The following AFG1L variants were observed in gnomAD, a reference collection of about 807,000 sequenced individuals.
The protein encoded by AFG1L is AFG1 like ATPase.
A neutral mutation model predicts 62.2 loss-of-function variants in AFG1L; 53 were observed. The ratio of observed to expected loss-of-function variants is 0.85; its 90% CI spans 0.68 to 1.07. AFG1L has a LOEUF of 1.07. Ranked by LOEUF, AFG1L falls within the 50% of genes least tolerant of loss-of-function variation. The pLI is 0.00. For synonymous variants in AFG1L, 228 were observed against 210.3 expected, an observed-to-expected ratio of 1.08 and a Z score of -0.73; for missense variants, 555 against 590.5, an observed-to-expected ratio of 0.94 and a Z score of 0.62.
At chr6:108,372,781 G>A (rs72936789) in intron 6 of AFG1L, 7,192 of 154,116 alleles carry the variant, frequency 0.047, 271 homozygotes, top group South Asian at 0.18. Flanking sequence ...TTCATATGCT[G>A]TCCAGTTTCT....
intron 1 of AFG1L, among the ~76,000 whole-genome samples, chr6:108,321,960 G>A (rs974196438): frequency 1.4e-4 from 21 of 152,044 alleles, no homozygotes; most frequent in Non-Finnish European, 3.1e-4. Context: ...ATAGCTCACT[G>A]CAGCCTCAAA....
At chr6:108,458,825 A>G (rs914266974) in intron 8 of AFG1L, among the ~76,000 whole-genome samples, 1 of 151,416 alleles carries the variant, frequency 6.6e-6, no homozygotes, top group African/African-American at 2.4e-5. Context: ...TGTGTTTCAG[A>G]TACTGTGAAT....
At chr6:108,319,935 G>T in intron 1 of AFG1L, 1 of 175,016 alleles carries the variant, frequency 5.7e-6, no homozygotes. Context: ...GGAAATAGGG[G>T]TGGTGTGGGT....
chr6:108,413,880 C>T (rs1286906499), intron 7 of AFG1L, among the ~76,000 whole-genome samples: 1 of 152,000 alleles, frequency 6.6e-6, no homozygotes, highest in Non-Finnish European at 1.5e-5. Context: ...AGAGCAAACA[C>T]ATTCAAAAGC....
chr6:108,396,896 A>G (rs560792250), intron 6 of AFG1L, among the ~76,000 whole-genome samples: 2 of 152,354 alleles, frequency 1.3e-5, no homozygotes, highest in South Asian at 4.1e-4. Flanking sequence ...CATCCTCTCA[A>G]GCACGTATCC....
At chr6:108,339,634 AT>A (rs1198514670) in intron 2 of AFG1L, among the ~76,000 whole-genome samples, 1 of 151,636 alleles carries the variant, frequency 6.6e-6, no homozygotes, top group East Asian at 1.9e-4. Context: ...TAATTTTTGT[AT>A]TTTTAGTAGA....
chr6:108,397,224 T>C (rs979022356), intron 6 of AFG1L, among the ~76,000 whole-genome samples: 2 of 152,044 alleles, frequency 1.3e-5, no homozygotes, highest in Non-Finnish European at 2.9e-5. Context: ...ACCTTCTGGG[T>C]TCAAGCGATT....
At chr6:108,349,821 G>A (rs1731077593) in intron 3 of AFG1L, among the ~76,000 whole-genome samples, 1 of 152,148 alleles carries the variant, frequency 6.6e-6, no homozygotes, top group Non-Finnish European at 1.5e-5. Flanking sequence ...GTAGGATGAG[G>A]TGGGAGGATC....
intron 7 of AFG1L, among the ~76,000 whole-genome samples, chr6:108,410,036 T>C (rs569699557): frequency 1.4e-3 from 210 of 152,340 alleles, no homozygotes; most frequent in Non-Finnish European, 2.5e-3. Context: ...CTGGGCGCAG[T>C]GGCTCACACC....
chr6:108,466,759 A>C (rs201708597), intron 8 of AFG1L, among the ~76,000 whole-genome samples: 3 of 137,172 alleles, frequency 2.2e-5, no homozygotes, highest in Non-Finnish European at 4.8e-5. Context: ...ATATTTGTTA[A>C]AATATATATA....
intron 2 of AFG1L, among the ~76,000 whole-genome samples, chr6:108,330,386 G>C (rs138820747): frequency 1.1e-3 from 166 of 152,116 alleles, no homozygotes; most frequent in African/African-American, 3.9e-3. Context: ...ATGTTGGCCA[G>C]GCTGGTCTTG....
rs909299441 is a variant in AFG1L, at chr6:108,436,393, T to C, written c.808-10821T>C. 2.6e-5 allele frequency among the ~76,000 whole-genome samples: 4 copies of C among 152,208 alleles called. No individual in the cohort carries two copies. In the South Asian group the frequency reaches 8.3e-4, roughly 31 times the overall value. ...CTCTTGACCTTGTGATCTGCCTGCC[T>C]TGGCCTCCCAAAGTGCTGGGATTAC... On this transcript the variant is annotated intron_variant, in intron 7 of 12. Transcript: ENST00000368977.
chr6:108,520,485 G>C (rs1257285426), intron 12 of AFG1L: 1 of 152,182 alleles, frequency 6.6e-6, no homozygotes, highest in East Asian at 1.9e-4. Flanking sequence ...AGAACGTTAT[G>C]AGATGTGTTT....
intron 10 of AFG1L, among the ~76,000 whole-genome samples, chr6:108,501,383 G>T (rs1003805970): frequency 2.0e-5 from 3 of 152,186 alleles, no homozygotes; most frequent in African/African-American, 7.2e-5. Context: ...TTCAGTAATG[G>T]TTGACTCTCT....
At chr6:108,480,431 C>T (rs1773281618) in intron 10 of AFG1L, among the ~76,000 whole-genome samples, 1 of 151,508 alleles carries the variant, frequency 6.6e-6, no homozygotes, top group Non-Finnish European at 1.5e-5. Flanking sequence ...AGAGCTCAAA[C>T]TTCTTGGTAG....
At chr6:108,308,730 G>C (rs1212686499) in intron 1 of AFG1L, among the ~76,000 whole-genome samples, 1 of 151,358 alleles carries the variant, frequency 6.6e-6, no homozygotes, top group Non-Finnish European at 1.5e-5. Context: ...TTGAGACAGA[G>C]TCTCACTCTG....
At chr6:108,317,011 C>T (rs1777630859) in intron 1 of AFG1L, among the ~76,000 whole-genome samples, 1 of 152,076 alleles carries the variant, frequency 6.6e-6, no homozygotes, top group South Asian at 2.1e-4. Flanking sequence ...CACGTACCTC[C>T]CCTTAAGTCT....
At chr6:108,402,317 G>T (rs1781658718) in intron 7 of AFG1L, among the ~76,000 whole-genome samples, 1 of 148,412 alleles carries the variant, frequency 6.7e-6, no homozygotes, top group African/African-American at 2.5e-5. Flanking sequence ...ACAAAAATTA[G>T]CTGGGTGTGG....
At chr6:108,346,309 T>C (rs1413303350) in intron 2 of AFG1L, among the ~76,000 whole-genome samples, 1 of 152,106 alleles carries the variant, frequency 6.6e-6, no homozygotes, top group African/African-American at 2.4e-5. Context: ...TCTGAACCCA[T>C]TAAACAATAA....
Sources: allele counts gnomAD v4.1 joint callset (sites outside exome capture counted in the v4.1 genomes callset), GRCh38; gene constraint gnomAD v4.1.1; transcripts MANE v1.5; gene names NCBI Gene and HGNC (gene_info 2026-07-23, HGNC 2026-07-21).